The following GREB1L variants were observed in gnomAD, a reference collection of about 807,000 sequenced individuals.
GREB1L encodes the protein GREB1 like retinoic acid receptor coactivator.
A neutral mutation model predicts 200.8 loss-of-function variants in GREB1L; 17 were observed. The ratio of observed to expected loss-of-function variants is 0.08; its 90% CI spans 0.06 to 0.13. The LOEUF is 0.13. Ranked by LOEUF, GREB1L falls within the 10% of genes least tolerant of loss-of-function variation. The pLI is 1.00. For missense variants in GREB1L, 1,657 were observed against 2,367.7 expected (o/e 0.70, Z 6.23); for synonymous variants, 789 against 893.0 (o/e 0.88, Z 2.08).
intron 1 of GREB1L, among the ~76,000 whole-genome samples, chr18:21,281,701 C>A (rs2038272510): frequency 6.6e-6 from 1 of 152,026 alleles, no homozygotes; most frequent in South Asian, 2.1e-4. Flanking sequence ...TTTTGTGTGT[C>A]TCAAAGATAC....
At chr18:21,449,331 T>G (rs1399357037) in intron 11 of GREB1L, among the ~76,000 whole-genome samples, 179 bp from the exon 12 acceptor site, 2 of 152,136 alleles carry the variant, frequency 1.3e-5, no homozygotes, top group African/African-American at 2.4e-5. Context: ...AGAAAAATAA[T>G]TTCCAACAGG....
intron 7 of GREB1L, among the ~76,000 whole-genome samples, chr18:21,407,099 T>C (rs1341511971): frequency 2.0e-5 from 3 of 152,112 alleles, no homozygotes; most frequent in Non-Finnish European, 4.4e-5. Context: ...GGTCTTGAAC[T>C]CCCGACCTCA....
At chr18:21,342,152 T>C (rs544449643) in intron 1 of GREB1L, among the ~76,000 whole-genome samples, 2 of 152,260 alleles carry the variant, frequency 1.3e-5, no homozygotes, top group South Asian at 2.1e-4. Context: ...TCAGACTGAT[T>C]GATGGCCTGA....
chr18:21,464,724 T>C (rs1030464327), intron 15 of GREB1L, among the ~76,000 whole-genome samples: 3 of 152,092 alleles, frequency 2.0e-5, no homozygotes, highest in Non-Finnish European at 2.9e-5. Context: ...AAACTGACAT[T>C]ATGTGCAAAA....
At position 21,302,868 on chromosome 18, in the gene GREB1L, TG is replaced by T. The variant is rs2038640902; in HGVS notation, c.-120+60476del. On this transcript the variant is annotated intron_variant, in intron 1 of 32. Transcript: ENST00000424526. ...TCACGAGTAGCTGGGACTACAGTCATGTGCCACCATGCCTGACTAATTTTTT... is the reference window on the plus strand; with the variant it reads ...TCACGAGTAGCTGGGACTACAGTCATTGCCACCATGCCTGACTAATTTTTT... Among the ~76,000 whole-genome samples the T allele has an allele frequency of 3.9e-5, 6 of 152,254 alleles. No homozygotes were observed. In the South Asian group the frequency reaches 1.2e-3, roughly 32 times the overall value.
In GREB1L at chr18:21,494,292, CAAGT is replaced by C. The variant is rs1476275053; in HGVS notation, c.3031-1375_3031-1372del. On this transcript the variant is annotated intron_variant, in intron 19 of 32. Coordinates refer to ENST00000424526, the MANE Select transcript of GREB1L (RefSeq NM_001142966.3). ...ACATATATAATAAAAGATTGGACAA[CAAGT>C]AAAAGCCTAAGAATGGTTAAGCTTC... Among the ~76,000 whole-genome samples, 4 of 152,182 alleles carry C rather than the reference CAAGT, an allele frequency of 2.6e-5. No individual in the cohort carries two copies. The East Asian group carries it at 7.7e-4, about 29-fold the overall frequency.
intron 4 of GREB1L, among the ~76,000 whole-genome samples, chr18:21,391,423 CTA>C (rs2040800667): frequency 6.6e-6 from 1 of 152,198 alleles, no homozygotes; most frequent in African/African-American, 2.4e-5. Flanking sequence ...AAAGTACACT[CTA>C]TGATGTTCAC....
chr18:21,436,760 G>GAGT (rs1345529867), intron 7 of GREB1L, among the ~76,000 whole-genome samples: 1 of 150,612 alleles, frequency 6.6e-6, no homozygotes, highest in Admixed American at 6.6e-5. Flanking sequence ...ACCCAGGCTG[G>GAGT]AGTACACTGG....
intron 4 of GREB1L, among the ~76,000 whole-genome samples, chr18:21,391,945 G>A (rs186529934): frequency 6.6e-6 from 1 of 152,098 alleles, no homozygotes; most frequent in Admixed American, 6.5e-5. Flanking sequence ...GAGTGCCTGG[G>A]ACTACAGGTC....
rs191004555 is a variant in GREB1L at position 21,438,734 on chromosome 18, G to A, written c.833-787G>A. Among the ~76,000 whole-genome samples, 9 of 151,476 alleles carry A rather than the reference G, an allele frequency of 5.9e-5. No homozygotes were observed. The East Asian group carries it at 1.2e-3, about 20-fold the overall frequency. On this transcript the variant is annotated intron_variant, in intron 7 of 32. Coordinates refer to ENST00000424526, the MANE Select transcript of GREB1L (RefSeq NM_001142966.3). ...AGCACTTTGGGAGGCCGAGGCGGGC[G>A]GATCATGAGGTCAGGAGATCGAGAC...
chr18:21,475,486 G>T (rs902237473), intron 16 of GREB1L, among the ~76,000 whole-genome samples: 2 of 152,198 alleles, frequency 1.3e-5, no homozygotes. Flanking sequence ...AGCCTCCTGA[G>T]TAGCTGGGAT....
chr18:21,284,814 C>G (rs2038327400), intron 1 of GREB1L, among the ~76,000 whole-genome samples: 1 of 152,148 alleles, frequency 6.6e-6, no homozygotes. Flanking sequence ...GAGGTTTGTT[C>G]TCTCGCCATA....
chr18:21,384,063 T>A, intron 3 of GREB1L, 143 bp from the exon 4 acceptor site: 1 of 669,582 alleles, frequency 1.5e-6, no homozygotes. Flanking sequence ...AAGTGGGGAT[T>A]CCAAATCTTG....
chr18:21,505,290 C>T lies in GREB1L; in HGVS notation c.4073-122C>T, dbSNP rs878943157. On this transcript the variant is annotated intron_variant, in intron 23 of 32. Coordinates refer to ENST00000424526, the MANE Select transcript of GREB1L (RefSeq NM_001142966.3). ...CCTCCTCTACTGGGACAGGGGAGCT[C>T]ATTTTTCAGAAATGCCTTTGTCCAC... 28 of 853,240 alleles carry T rather than the reference C, an allele frequency of 3.3e-5. No individual in the cohort carries two copies. In the South Asian group the frequency reaches 4.6e-4, roughly 14 times the overall value. 52.9% of individuals were successfully genotyped at this position (853,240 alleles called of 1,614,324 possible).
intron 7 of GREB1L, among the ~76,000 whole-genome samples, chr18:21,422,364 A>G (rs966382048): frequency 3.3e-5 from 5 of 152,226 alleles, no homozygotes; most frequent in South Asian, 2.1e-4. Flanking sequence ...ACATACATAT[A>G]TAATATATTC....
At chr18:21,411,861 C>A (rs560080961) in intron 7 of GREB1L, among the ~76,000 whole-genome samples, 32 of 150,660 alleles carry the variant, frequency 2.1e-4, no homozygotes, top group African/African-American at 7.1e-4. Context: ...CTGGCTAACA[C>A]GGTGAAACCC....
In GREB1L at chr18:21,428,669, C is replaced by T. The variant is rs1423304499; in HGVS notation, c.833-10852C>T. ...TTTTGAGACGGAGTGTCGCTGTTGT[C>T]GGCCCGGGCTGGAGTGCAATGGCAT... On this transcript the variant is annotated intron_variant, in intron 7 of 32. Transcript: ENST00000424526. 2.9e-5 allele frequency among the ~76,000 whole-genome samples: 4 copies of T among 138,006 alleles called. No individual in the cohort carries two copies. The East Asian group carries it at 6.5e-4, about 22-fold the overall frequency. The allele number at this position is 138,006 out of a possible 152,430, so 90.5% of individuals were successfully genotyped here.
intron 1 of GREB1L, among the ~76,000 whole-genome samples, chr18:21,283,165 T>G (rs1018472567): frequency 1.3e-5 from 2 of 152,228 alleles, no homozygotes; most frequent in African/African-American, 4.8e-5. Context: ...ATAATTCCAT[T>G]TTAATGTACC....
chr18:21,267,291 C>T (rs2037986892), intron 1 of GREB1L, among the ~76,000 whole-genome samples: 1 of 149,790 alleles, frequency 6.7e-6, no homozygotes, highest in Non-Finnish European at 1.5e-5. Context: ...AAGCGATTCT[C>T]CTGCCTCAGC....
Sources: gnomAD v4.1 joint callset for allele counts (sites outside exome capture counted in the v4.1 genomes callset) on GRCh38, gnomAD v4.1.1 for gene constraint, MANE v1.5 for transcripts, NCBI Gene and HGNC (gene_info 2026-07-23, HGNC 2026-07-21) for gene names.